Variants in PARD3 observed in about 807,000 individuals in gnomAD.
PARD3 encodes the protein par-3 family cell polarity regulator, also known as partitioning defective 3 homolog.
PARD3 carries 75 observed loss-of-function variants against 155.4 expected under a neutral mutation model. The ratio of observed to expected loss-of-function variants is 0.48; its 90% CI spans 0.40 to 0.58. PARD3 has a LOEUF of 0.58. Ranked by LOEUF, PARD3 falls within the 20% of genes least tolerant of loss-of-function variation. PARD3 has a pLI of 0.00. For missense variants in PARD3, 1,642 were observed against 1,721.7 expected (o/e 0.95, Z 0.82); for synonymous variants, 576 against 610.5 (o/e 0.94, Z 0.83).
rs553425033 is a variant in PARD3, at chr10:34,304,836, C to G, written c.3065+12271G>C. Among the ~76,000 whole-genome samples, 126 of 152,322 alleles carry G rather than the reference C, an allele frequency of 8.3e-4. 3 individuals are homozygous for G. Among genetic ancestry groups the G allele is most frequent in the Non-Finnish European group, 1.5e-5 (1 of 68,034 alleles). On this transcript the variant is annotated intron_variant, in intron 20 of 24. Transcript: ENST00000374788. The stretch of plus-strand genomic sequence containing the variant: ...TCAACATGCAATGAATGAATGCTGA[C>G]TGCTAGCCACAGTATTGGCTACATG...
At chr10:34,801,206 T>C (rs1842813762) in intron 1 of PARD3, among the ~76,000 whole-genome samples, 1 of 152,192 alleles carries the variant, frequency 6.6e-6, no homozygotes, top group Non-Finnish European at 1.5e-5. Context: ...TTTCACATCC[T>C]GTAGGAAACT....
rs375330196 is a variant in PARD3 at position 34,283,508 on chromosome 10, CTT to C, written c.3176+625_3176+626del. On this transcript the variant is annotated intron_variant, in intron 21 of 24. Transcript: ENST00000374788. ...TTTCGAGTGCCTGCTTAGAGTAACT[CTT>C]TTCATTCCTTTCATTGGTCTTTAAG... is the stretch of plus-strand genomic sequence containing the variant. Among the ~76,000 whole-genome samples the C allele has an allele frequency of 5.2e-4, 79 of 152,234 alleles. 1 individual carries two copies. The highest frequency in any genetic ancestry group is 1.2e-3 in the South Asian group (6 of 4,826).
At chr10:34,531,937 C>T (rs7897568) in intron 2 of PARD3, among the ~76,000 whole-genome samples, 4,432 of 152,232 alleles carry the variant, frequency 0.029, 225 homozygotes, top group African/African-American at 0.1. Context: ...AGATGATGAG[C>T]ATCACACTGC....
intron 23 of PARD3, among the ~76,000 whole-genome samples, chr10:34,122,195 G>A (rs1379674920): frequency 6.6e-6 from 1 of 152,194 alleles, no homozygotes; most frequent in East Asian, 1.9e-4. Flanking sequence ...TCTGCAGCAG[G>A]ATTTAGTAAC....
chr10:34,455,628 A>G (rs112531701), intron 4 of PARD3, among the ~76,000 whole-genome samples: 1,673 of 152,278 alleles, frequency 0.011, 31 homozygotes, highest in African/African-American at 0.038. Context: ...AAAATGACTC[A>G]CACACACAAA....
intron 1 of PARD3, among the ~76,000 whole-genome samples, chr10:34,741,345 G>C (rs1429220651): frequency 6.6e-6 from 1 of 151,302 alleles, no homozygotes; most frequent in Non-Finnish European, 1.5e-5. Flanking sequence ...CACCACATCT[G>C]GCTAAGTTTT....
intron 2 of PARD3, among the ~76,000 whole-genome samples, chr10:34,550,477 T>G (rs1486403996): frequency 6.6e-6 from 1 of 152,192 alleles, no homozygotes; most frequent in Non-Finnish European, 1.5e-5. Flanking sequence ...TCCCAAAAAG[T>G]GCTTGGATTA....
At chr10:34,551,134 C>T (rs939526559) in intron 2 of PARD3, among the ~76,000 whole-genome samples, 7 of 152,180 alleles carry the variant, frequency 4.6e-5, no homozygotes, top group African/African-American at 1.7e-4. Flanking sequence ...TTATAGGACA[C>T]ATTGCTTGGC....
chr10:34,612,581 C>G (rs926835783), intron 2 of PARD3, among the ~76,000 whole-genome samples: 1 of 152,224 alleles, frequency 6.6e-6, no homozygotes, highest in Non-Finnish European at 1.5e-5. Flanking sequence ...AGGAATTTCA[C>G]CCAACTTTGG....
At chr10:34,429,553 A>AGTTTTGTTTTGTTTT (rs58220151) in intron 5 of PARD3, among the ~76,000 whole-genome samples, 34 of 145,238 alleles carry the variant, frequency 2.3e-4, no homozygotes, top group African/African-American at 6.6e-4. Flanking sequence ...ACTCTAACTC[A>AGTTTTGTTTTGTTTT]GTTTTGTTTT....
intron 22 of PARD3, among the ~76,000 whole-genome samples, chr10:34,248,628 G>A (rs1269863176): frequency 6.6e-6 from 1 of 152,170 alleles, no homozygotes; most frequent in Non-Finnish European, 1.5e-5. Context: ...AATGCCTCAT[G>A]CTCTGTCTAC....
At chr10:34,435,820 T>G (rs755668055) in intron 5 of PARD3, among the ~76,000 whole-genome samples, 1 of 152,220 alleles carries the variant, frequency 6.6e-6, no homozygotes, top group Non-Finnish European at 1.5e-5. Flanking sequence ...CACTATTGAT[T>G]CTGTTCAGAC....
intron 2 of PARD3, among the ~76,000 whole-genome samples, chr10:34,569,578 C>G (rs1408360825): frequency 6.6e-6 from 1 of 151,966 alleles, no homozygotes; most frequent in Admixed American, 6.6e-5. Context: ...CCATCACACC[C>G]AGCTAATTTT....
At chr10:34,780,165 A>C (rs1437282747) in intron 1 of PARD3, among the ~76,000 whole-genome samples, 1 of 152,208 alleles carries the variant, frequency 6.6e-6, no homozygotes, top group Non-Finnish European at 1.5e-5. Context: ...GACTTATTTT[A>C]TTAAAAAAAT....
At chr10:34,662,526 G>T (rs1257781600) in intron 2 of PARD3, among the ~76,000 whole-genome samples, 3 of 152,136 alleles carry the variant, frequency 2.0e-5, no homozygotes, top group Non-Finnish European at 4.4e-5. Flanking sequence ...ACAGATGAAT[G>T]AATAAAGAAA....
chr10:34,467,663 T>C (rs1281252427), intron 4 of PARD3, among the ~76,000 whole-genome samples: 1 of 152,108 alleles, frequency 6.6e-6, no homozygotes, highest in Non-Finnish European at 1.5e-5. Flanking sequence ...AGGAGAATGC[T>C]TGAACCTGGG....
intron 2 of PARD3, among the ~76,000 whole-genome samples, chr10:34,583,393 A>C (rs2134277865): frequency 6.6e-6 from 1 of 152,302 alleles, no homozygotes; most frequent in African/African-American, 2.4e-5. Context: ...AGAAAGATAC[A>C]TGTGCTCCCT....
chr10:34,413,295 T>C (rs1188842836), intron 5 of PARD3, among the ~76,000 whole-genome samples: 3 of 152,102 alleles, frequency 2.0e-5, no homozygotes, highest in Non-Finnish European at 4.4e-5. Flanking sequence ...CTCCAGAGCA[T>C]GGATGTGTTT....
At chr10:34,805,403 G>A (rs1022846350) in intron 1 of PARD3, among the ~76,000 whole-genome samples, 1 of 152,078 alleles carries the variant, frequency 6.6e-6, no homozygotes, top group African/African-American at 2.4e-5. Context: ...ATACATCTGA[G>A]TTCCAAAACC....
Sources: allele counts gnomAD v4.1 joint callset (sites outside exome capture counted in the v4.1 genomes callset), GRCh38; gene constraint gnomAD v4.1.1; transcripts MANE v1.5; gene names NCBI Gene and HGNC (gene_info 2026-07-23, HGNC 2026-07-21).